The following TBCB variants were observed in gnomAD, a reference collection of about 807,000 sequenced individuals.
The protein encoded by TBCB is tubulin-folding cofactor B.
In TBCB, 18 loss-of-function variants were observed where a neutral mutation model predicts 29.2. That is an observed-to-expected ratio of 0.62 (90% CI 0.43 to 0.91). TBCB has a LOEUF of 0.91. TBCB is among the 40% of genes least tolerant of loss of function. TBCB has a pLI of 0.00. For missense variants in TBCB, 336 were observed against 337.6 expected (o/e 1.00, Z 0.04); for synonymous variants, 172 against 137.8 (o/e 1.25, Z -1.74).
In TBCB at chr19:36,115,513, G is replaced by A. The variant is rs1001152552; in HGVS notation, c.-48G>A. 13 of 1,440,802 alleles carry A rather than the reference G, an allele frequency of 9.0e-6. No homozygotes were observed. The highest frequency in any genetic ancestry group is 1.1e-5 in the Non-Finnish European group (12 of 1,049,148). 89.3% of individuals were successfully genotyped at this position (1,440,802 alleles called of 1,614,324 possible). A position where few individuals can be genotyped will look rare whatever the true frequency, so the allele number is the denominator to read the frequency against. ...AGCGGCGGCGGCGGCTGCGGAGCGG[G>A]TGTGAGGCGGCTGGACCGCGCTGCA... On this transcript the variant is annotated 5_prime_UTR_variant, in exon 1 of 6. The change creates a new upstream start codon in the 5' untranslated region. Coordinates refer to ENST00000221855, the MANE Select transcript of TBCB (RefSeq NM_001281.3).
chr19:36,115,764 C>A, intron 1 of TBCB, 90 bp downstream of exon 1: 2 of 1,283,594 alleles, frequency 1.6e-6, no homozygotes, highest in Admixed American at 2.0e-5. Flanking sequence ...CGGGGAGTGA[C>A]TGGGCGGGCC....
rs1974029236 is a variant in TBCB at position 36,120,607 on chromosome 19, G to A, written c.259-103G>A. ...GAAGGCTGCAGTACAGGCGAGGGAGGGAGATGCGTTTTTCCCAGATGGAGA... is the reference window on the plus strand; with the variant it reads ...GAAGGCTGCAGTACAGGCGAGGGAGAGAGATGCGTTTTTCCCAGATGGAGA... On this transcript the variant is annotated intron_variant, in intron 2 of 5. Coordinates refer to ENST00000221855, the MANE Select transcript of TBCB (RefSeq NM_001281.3). 17 of 918,958 alleles carry A rather than the reference G, an allele frequency of 1.8e-5. No homozygotes were observed. The South Asian group carries it at 2.1e-4, about 12-fold the overall frequency. 56.9% of individuals were successfully genotyped at this position (918,958 alleles called of 1,614,324 possible). A position where few individuals can be genotyped will look rare whatever the true frequency, so the allele number is the denominator to read the frequency against.
At chr19:36,122,280 AT>A in intron 4 of TBCB, 1 of 176,188 alleles carries the variant, frequency 5.7e-6, no homozygotes, top group Non-Finnish European at 1.2e-5. Flanking sequence ...AGCAGTGTGG[AT>A]TTTTTTAAAA....
At position 36,121,680 on chromosome 19, in the gene TBCB, C is replaced by T. The variant is rs753188537; in HGVS notation, c.509C>T (p.Ala170Val). The change falls in exon 4 of 6, where the codon GCG (alanine) becomes GTG (valine). Residue 170 changes from alanine to valine, a missense_variant. Ala to Val is a moderately conservative substitution (Grantham distance 64). Coordinates refer to ENST00000221855, the MANE Select transcript of TBCB (RefSeq NM_001281.3). Reference protein sequence around the residue: ...PVGSRCEVRAAGQSPRRGTVM... With the variant: ...PVGSRCEVRAVGQSPRRGTVM... ...GGCAGCCGCTGTGAGGTGCGGGCGG[C>T]GGGACAATCCCCTCGCCGGGGCACC... is the stretch of plus-strand genomic sequence containing the variant. 6 of 1,558,840 alleles carry T rather than the reference C, an allele frequency of 3.8e-6. No individual in the cohort carries two copies. The highest frequency in any genetic ancestry group is 1.2e-5 in the South Asian group (1 of 83,932).
chr19:36,115,224 C>A, upstream of TBCB: 1 of 536,578 alleles, frequency 1.9e-6, no homozygotes, highest in Non-Finnish European at 3.3e-6. Flanking sequence ...GCGAGTTTAC[C>A]CTTCGCGGAC....
intron 4 of TBCB, among the ~76,000 whole-genome samples, chr19:36,124,527 A>G (rs1297194713): frequency 6.6e-6 from 1 of 151,838 alleles, no homozygotes; most frequent in Non-Finnish European, 1.5e-5. Flanking sequence ...GCCCATCGGT[A>G]TGTCGGGGTT....
chr19:36,121,530 C>T lies in TBCB; in HGVS notation c.359C>T (p.Thr120Met). The change falls in exon 4 of 6, where the codon ACG (threonine) becomes ATG (methionine). Residue 120 changes from threonine (T) to methionine (M), a missense_variant. By Grantham distance (81) the Thr-to-Met change is moderately conservative (BLOSUM62 -1). Coordinates refer to ENST00000221855, the MANE Select transcript of TBCB (RefSeq NM_001281.3). ...CCCCAGCCCCCTCTGCCCACAGACACGGTCCGCTCTTTCCTGAAGCGCAGC... is the reference window on the plus strand; with the variant it reads ...CCCCAGCCCCCTCTGCCCACAGACATGGTCCGCTCTTTCCTGAAGCGCAGC... ...SQEAYDQRQDTVRSFLKRSKL... is the reference protein window; with the variant it reads ...SQEAYDQRQDMVRSFLKRSKL... The T allele has an allele frequency of 6.4e-7, 1 of 1,555,772 alleles. No homozygotes were observed. The highest frequency in any genetic ancestry group is 8.7e-7 in the Non-Finnish European group (1 of 1,152,552).
At chr19:36,119,101 CAG>C (rs1974003007) in intron 2 of TBCB, among the ~76,000 whole-genome samples, 1 of 152,200 alleles carries the variant, frequency 6.6e-6, no homozygotes, top group South Asian at 2.1e-4. Flanking sequence ...ACAGGCGGTT[CAG>C]GTACACACAG....
rs760462636 is a variant in TBCB at position 36,115,537 on chromosome 19, C to T, written c.-24C>T. On this transcript the variant is annotated 5_prime_UTR_variant, in exon 1 of 6. Coordinates refer to ENST00000221855, the MANE Select transcript of TBCB (RefSeq NM_001281.3). Reference sequence around the variant, plus strand: ...GGTGTGAGGCGGCTGGACCGCGCTGCAGGCATCCGCAGGGCGCGGCAAGAT... The same window carrying T: ...GGTGTGAGGCGGCTGGACCGCGCTGTAGGCATCCGCAGGGCGCGGCAAGAT... 2 of 1,566,812 alleles carry T rather than the reference C, an allele frequency of 1.3e-6. No homozygotes were observed. Among genetic ancestry groups the T allele is most frequent in the South Asian group, 2.3e-5 (2 of 86,524 alleles).
intron 2 of TBCB, 67 bp downstream of exon 2, chr19:36,116,251 C>A: frequency 6.3e-7 from 1 of 1,584,752 alleles, no homozygotes. Context: ...CAGACACTTG[C>A]TGGGCTTTGC....
chr19:36,115,135 C>G (rs960189619), upstream of TBCB: 1 of 570,864 alleles, frequency 1.8e-6, no homozygotes, highest in Non-Finnish European at 3.1e-6. Flanking sequence ...GAAAACGATG[C>G]GCATCGTAAA....
intron 3 of TBCB, 62 bp downstream of exon 3, chr19:36,120,868 G>A: frequency 1.3e-6 from 2 of 1,549,530 alleles, no homozygotes; most frequent in Non-Finnish European, 1.8e-6. Context: ...CAGGTATGAG[G>A]GCGGGCAGGT....
intron 2 of TBCB, among the ~76,000 whole-genome samples, chr19:36,117,518 A>G (rs565835693): frequency 1.5e-4 from 23 of 150,982 alleles, no homozygotes; most frequent in Non-Finnish European, 1.0e-4. Flanking sequence ...CTAATTTTGT[A>G]ATTTTGTATT....
chr19:36,118,882 G>A lies in TBCB; in HGVS notation c.259-1828G>A, dbSNP rs547285685. ...CAGGCCCCCTCTGGCTGTGTGTGGG[G>A]AACAGGTGGTGGAGGACAGGAAGAG... On this transcript the variant is annotated intron_variant, in intron 2 of 5. Transcript: ENST00000221855. Among the ~76,000 whole-genome samples the A allele has an allele frequency of 1.3e-4, 20 of 152,146 alleles. 1 individual carries two copies. The South Asian group carries it at 4.2e-3, about 32-fold the overall frequency.
chr19:36,115,640 G>C lies in TBCB; in HGVS notation c.80G>C (p.Arg27Pro), dbSNP rs1863258197. The change falls in exon 1 of 6, where the codon CGA (arginine) becomes CCA (proline). Residue 27 changes from arginine (R) to proline (P), a missense_variant. Physicochemically the swap from Arg to Pro is moderately radical, Grantham distance 103. Transcript: ENST00000221855. ...CTCAACACCTTCCGCTCCGAGAAGC[G>C]ATACAGCCGCAGCCTCACCATCGCT... ...SSLNTFRSEK[R>P]YSRSLTIAEF... is the part of the protein sequence containing the mutation. 3.8e-6 allele frequency: 6 copies of C among 1,570,884 alleles called. No individual in the cohort carries two copies. Among genetic ancestry groups the C allele is most frequent in the Non-Finnish European group, 5.2e-6 (6 of 1,154,070 alleles).
Position 36,115,615 on chromosome 19 carries a change from C to G in TBCB, c.55C>G (p.Leu19Val). Residue 19 changes from leucine (L) to valine (V), a missense_variant, in exon 1 of 6, where the codon CTC becomes GTC. Leu to Val is a conservative substitution (Grantham distance 32). Transcript: ENST00000221855. ...PTVTVFISSS[L>V]NTFRSEKRYS... ...GGTGACCGTTTTCATCAGCAGCTCC[C>G]TCAACACCTTCCGCTCCGAGAAGCG... 1 of 1,609,994 alleles carries G rather than the reference C, an allele frequency of 6.2e-7. No individual in the cohort carries two copies. Among genetic ancestry groups the G allele is most frequent in the South Asian group, 1.1e-5 (1 of 90,292 alleles).
intron 3 of TBCB, among the ~76,000 whole-genome samples, 184 bp from the exon 4 acceptor site, chr19:36,121,343 A>C (rs976257011): frequency 6.6e-6 from 1 of 151,492 alleles, no homozygotes; most frequent in East Asian, 1.9e-4. Flanking sequence ...ACGATTGTGG[A>C]GTTGGGGGGC....
rs1973935758 is a variant in TBCB at position 36,115,633 on chromosome 19, G to A, written c.73G>A (p.Glu25Lys). 1 of 1,605,538 alleles carries A rather than the reference G, an allele frequency of 6.2e-7. No homozygotes were observed. The highest frequency in any genetic ancestry group is 8.5e-7 in the Non-Finnish European group (1 of 1,176,100). The change falls in exon 1 of 6, where the codon GAG becomes AAG. Residue 25 changes from glutamate (E) to lysine (K), a missense_variant. Coordinates refer to ENST00000221855, the MANE Select transcript of TBCB (RefSeq NM_001281.3). ...CAGCTCCCTCAACACCTTCCGCTCC[G>A]AGAAGCGATACAGCCGCAGCCTCAC... is the stretch of plus-strand genomic sequence containing the variant. ...ISSSLNTFRS[E>K]KRYSRSLTIA...
At chr19:36,119,150 G>A (rs1040948504) in intron 2 of TBCB, among the ~76,000 whole-genome samples, 17 of 152,194 alleles carry the variant, frequency 1.1e-4, no homozygotes, top group Non-Finnish European at 2.4e-4. Flanking sequence ...TTCCAGAGTG[G>A]AGCCACTGGG....
Sources: allele counts gnomAD v4.1 joint callset (sites outside exome capture counted in the v4.1 genomes callset), GRCh38; gene constraint gnomAD v4.1.1; transcripts MANE v1.5; gene names NCBI Gene and HGNC (gene_info 2026-07-23, HGNC 2026-07-21).